Variants in NEURL1B observed in about 807,000 individuals in gnomAD.
NEURL1B encodes the protein neuralized E3 ubiquitin protein ligase 1B.
In NEURL1B, 13 loss-of-function variants were observed where a neutral mutation model predicts 37.4. That is an observed-to-expected ratio of 0.35 (90% CI 0.23 to 0.55). The LOEUF is 0.55. Ranked by LOEUF, NEURL1B falls within the 20% of genes least tolerant of loss-of-function variation. NEURL1B has a pLI of 0.89. For synonymous variants in NEURL1B, 432 were observed against 426.6 expected (o/e 1.01, Z -0.16); for missense variants, 790 against 879.2 (o/e 0.90, Z 1.28).
chr5:172,673,415 T>C (rs905891592), intron 2 of NEURL1B, among the ~76,000 whole-genome samples: 1 of 152,172 alleles, frequency 6.6e-6, no homozygotes, highest in Non-Finnish European at 1.5e-5. Context: ...CCTTTAGAGC[T>C]GCTCAGTTGT....
At chr5:172,670,653 A>T (rs1002782851) in intron 2 of NEURL1B, among the ~76,000 whole-genome samples, 1 of 152,108 alleles carries the variant, frequency 6.6e-6, no homozygotes, top group Non-Finnish European at 1.5e-5. Context: ...TCATTCATTC[A>T]TTCATTCATT....
At chr5:172,672,060 A>T (rs1004197762) in intron 2 of NEURL1B, among the ~76,000 whole-genome samples, 1 of 152,248 alleles carries the variant, frequency 6.6e-6, no homozygotes, top group East Asian at 1.9e-4. Flanking sequence ...GTTACATGAG[A>T]TGATGTCTGA....
chr5:172,663,824 ATTTG>A (rs1173562721), intron 1 of NEURL1B, among the ~76,000 whole-genome samples: 3 of 46,662 alleles, frequency 6.4e-5, no homozygotes, highest in Non-Finnish European at 1.6e-4. Context: ...AAGAGGTTTT[ATTTG>A]TTTATTATTA....
rs1367021757 is a variant in NEURL1B, at chr5:172,665,372, C to T, written c.32-4413C>T. 1.3e-5 allele frequency among the ~76,000 whole-genome samples: 2 copies of T among 152,154 alleles called. No homozygotes were observed. The highest frequency in any genetic ancestry group is 2.1e-4 in the South Asian group (1 of 4,820). ...CTGCACCCGGGTGCTGTTTCCCCTG[C>T]TCACTTGGGATTTGTCCATTCCTCT... is the stretch of plus-strand genomic sequence containing the variant. On this transcript the variant is annotated intron_variant, in intron 1 of 4. Transcript: ENST00000369800. This position sits in a 1 kb window ranked among gnomAD's most constrained non-coding sequence, Gnocchi z 4.1.
chr5:172,673,398 CA>C (rs542093607), intron 2 of NEURL1B, among the ~76,000 whole-genome samples: 1 of 152,118 alleles, frequency 6.6e-6, no homozygotes, highest in Non-Finnish European at 1.5e-5. Flanking sequence ...AAGGGGCTGA[CA>C]TGGTTCCTTT....
chr5:172,684,145 C>T lies in NEURL1B; in HGVS notation c.1297+7C>T. On this transcript the variant is annotated splice_region_variant and intron_variant, in intron 3 of 4. Coordinates refer to ENST00000369800, the MANE Select transcript of NEURL1B (RefSeq NM_001142651.3). ...GGCCAGCTGCGTCTCCTCGGTGAGT[C>T]CCCGGCCCCGCGTGCGCGAGGCCCC... 2.4e-6 allele frequency: 3 copies of T among 1,231,988 alleles called. No individual in the cohort carries two copies. Among genetic ancestry groups the T allele is most frequent in the East Asian group, 6.7e-5 (2 of 29,660 alleles). The allele number at this position is 1,231,988 out of a possible 1,614,324, so 76.3% of individuals were successfully genotyped here. A position where few individuals can be genotyped will look rare whatever the true frequency, so the allele number is the denominator to read the frequency against.
chr5:172,681,160 C>T (rs1374369419), intron 2 of NEURL1B, among the ~76,000 whole-genome samples: 1 of 152,166 alleles, frequency 6.6e-6, no homozygotes, highest in Non-Finnish European at 1.5e-5. Context: ...GGGAAGTCCA[C>T]TCCTATGATC....
At chr5:172,668,121 T>G (rs1758050106) in intron 1 of NEURL1B, among the ~76,000 whole-genome samples, 1 of 152,132 alleles carries the variant, frequency 6.6e-6, no homozygotes, top group African/African-American at 2.4e-5. Flanking sequence ...AATTTTACTC[T>G]GTAATGTTTC....
intron 1 of NEURL1B, among the ~76,000 whole-genome samples, chr5:172,660,882 C>T (rs1339726054): frequency 6.6e-6 from 1 of 152,128 alleles, no homozygotes; most frequent in African/African-American, 2.4e-5. Flanking sequence ...CTGTCCACCT[C>T]GGCCTTACAA....
In NEURL1B at chr5:172,686,253, C is replaced by G; in HGVS notation, c.1380C>G (p.Thr460=). 1 of 1,551,734 alleles carries G rather than the reference C, an allele frequency of 6.4e-7. No homozygotes were observed. Reference sequence around the variant, plus strand: ...AGGACGATAGTGATTCAGATATGACCTTCAGTGTCAACCAGTCCTCCTCGG... The same window carrying G: ...AGGACGATAGTGATTCAGATATGACGTTCAGTGTCAACCAGTCCTCCTCGG... ...GSQDDSDSDM[T]FSVNQSSSAS... is the part of the protein sequence containing the mutation. The change falls in exon 4 of 5, where the codon ACC becomes ACG. Residue 460 remains threonine, a synonymous_variant. Coordinates refer to ENST00000369800, the MANE Select transcript of NEURL1B (RefSeq NM_001142651.3). The surrounding 1 kb of genome is among the most constrained non-coding windows in gnomAD (Gnocchi z 7.9).
chr5:172,666,043 C>T (rs1396564858), intron 1 of NEURL1B, among the ~76,000 whole-genome samples: 1 of 152,212 alleles, frequency 6.6e-6, no homozygotes, highest in Admixed American at 6.5e-5. Context: ...CAAGTCTGCC[C>T]AGGGGTGAAG....
intron 2 of NEURL1B, among the ~76,000 whole-genome samples, chr5:172,679,713 T>G (rs945331735): frequency 3.3e-5 from 5 of 152,328 alleles, no homozygotes; most frequent in Admixed American, 1.3e-4. Context: ...AACCCAGCCT[T>G]GTAGACACGC....
At chr5:172,658,106 A>G (rs1757828096) in intron 1 of NEURL1B, among the ~76,000 whole-genome samples, 3 of 152,030 alleles carry the variant, frequency 2.0e-5, no homozygotes, top group Non-Finnish European at 4.4e-5. Context: ...TCTTGTATGC[A>G]ATAAATATCA....
intron 1 of NEURL1B, among the ~76,000 whole-genome samples, chr5:172,658,235 G>C (rs780281320): frequency 6.6e-6 from 1 of 152,090 alleles, no homozygotes; most frequent in Admixed American, 6.5e-5. Context: ...ACAATCTCTC[G>C]TCTCCGCACA....
Position 172,683,430 on chromosome 5 carries a change from G to C in NEURL1B, c.589G>C (p.Ala197Pro). 2.1e-6 allele frequency: 3 copies of C among 1,412,420 alleles called. No individual in the cohort carries two copies. The highest frequency in any genetic ancestry group is 2.8e-6 in the Non-Finnish European group (3 of 1,080,176). 87.5% of individuals were successfully genotyped at this position (1,412,420 alleles called of 1,614,324 possible). A position where few individuals can be genotyped will look rare whatever the true frequency, so the allele number is the denominator to read the frequency against. Residue 197 changes from alanine (A) to proline (P), a missense_variant, in exon 3 of 5, where the codon GCT becomes CCT. Around this residue, in one of 3 missense-constraint regions of NEURL1B, gnomAD observed 460 missense variants for 407.4 expected, o/e 1.13. Transcript: ENST00000369800. The surrounding 1 kb of genome is among the most constrained non-coding windows in gnomAD (Gnocchi z 5.6). The part of the protein sequence containing the change: ...DEVQLLESAF[A>P]DTLTPARLSQ... ...CTTTGTCCGCACAGAGAGCGCCTTC[G>C]CTGACACGCTGACGCCCGCGCGCCT...
chr5:172,643,834 T>C (rs2113249336), intron 1 of NEURL1B, among the ~76,000 whole-genome samples: 1 of 152,292 alleles, frequency 6.6e-6, no homozygotes, highest in Middle Eastern at 3.4e-3. Context: ...CTGGATTCCA[T>C]GCCAGGCTTC....
chr5:172,689,556 A>AT lies in NEURL1B; in HGVS notation c.*2631_*2632insT, dbSNP rs144050533. The AT allele has an allele frequency of 0.099, 15,035 of 152,246 alleles. 802 individuals are homozygous for AT. The highest frequency in any genetic ancestry group is 0.13 in the African/African-American group (5,241 of 41,506). The allele number at this position is 152,246 out of a possible 1,614,324, so 9.4% of individuals were successfully genotyped here. On this transcript the variant is annotated 3_prime_UTR_variant, in exon 5 of 5. Coordinates refer to ENST00000369800, the MANE Select transcript of NEURL1B (RefSeq NM_001142651.3). ...GTGAAAAAAAAACTGTGCTACTTAC[A>AT]ATCTATGAAAGCTGGTGTTATCCCA...
intron 1 of NEURL1B, among the ~76,000 whole-genome samples, chr5:172,648,657 A>G (rs150577503): frequency 6.6e-6 from 1 of 152,366 alleles, no homozygotes; most frequent in East Asian, 1.9e-4. Context: ...CATGGAGGAC[A>G]TTTCCCATTT....
chr5:172,682,505 G>A (rs1290194069), intron 2 of NEURL1B, among the ~76,000 whole-genome samples: 1 of 152,230 alleles, frequency 6.6e-6, no homozygotes, highest in Non-Finnish European at 1.5e-5. Flanking sequence ...GAACCCAGGA[G>A]GCAGAGGTTG....
Sources: gnomAD v4.1 joint callset for allele counts (sites outside exome capture counted in the v4.1 genomes callset) on GRCh38, gnomAD v4.1.1 for gene constraint, gnomAD v4.1.1 regional missense constraint, Gnocchi (gnomAD v3.1) non-coding constraint, MANE v1.5 for transcripts, NCBI Gene and HGNC (gene_info 2026-07-23, HGNC 2026-07-21) for gene names.